The following SNX30 variants were observed in gnomAD, a reference collection of about 807,000 sequenced individuals.
The protein encoded by SNX30 is sorting nexin-30.
Under a neutral mutation model 46.4 loss-of-function variants are expected in SNX30, and 24 were observed. That is an observed-to-expected ratio of 0.52 (90% CI 0.37 to 0.73). The LOEUF (loss-of-function observed/expected upper bound fraction) is 0.73, where lower values mean the gene tolerates loss of function less well. Ranked by LOEUF, SNX30 falls within the 30% of genes least tolerant of loss-of-function variation. The pLI is 0.00. For missense variants in SNX30, 533 were observed against 555.7 expected (o/e 0.96, Z 0.41); for synonymous variants, 189 against 211.5 (o/e 0.89, Z 0.92).
intron 2 of SNX30, among the ~76,000 whole-genome samples, chr9:112,806,655 A>G (rs1390971193): frequency 6.6e-6 from 1 of 152,212 alleles, no homozygotes; most frequent in Non-Finnish European, 1.5e-5. Context: ...TGAAAATTTT[A>G]TATTTGTAAA....
chr9:112,869,030 A>C lies in SNX30; in HGVS notation c.*187A>C, dbSNP rs1841404486. ...TCAATTAGTATTTATTCCATGGTGG[A>C]GTCTGTGAGGCTAGAATATCTCTCA... On this transcript the variant is annotated 3_prime_UTR_variant, in exon 9 of 9. Transcript: ENST00000374232. The C allele has an allele frequency of 4.9e-6, 3 of 612,770 alleles. No individual in the cohort carries two copies. The highest frequency in any genetic ancestry group is 5.8e-6 in the Non-Finnish European group (2 of 342,912). The allele number at this position is 612,770 out of a possible 1,614,324, so 38.0% of individuals were successfully genotyped here.
intron 6 of SNX30, among the ~76,000 whole-genome samples, chr9:112,842,637 C>T (rs908801398): frequency 6.6e-6 from 1 of 152,178 alleles, no homozygotes; most frequent in African/African-American, 2.4e-5. Context: ...CCTTAGTGAC[C>T]AATCAGCTTG....
intron 1 of SNX30, among the ~76,000 whole-genome samples, chr9:112,761,537 G>C (rs940428096): frequency 2.0e-5 from 3 of 152,178 alleles, no homozygotes; most frequent in African/African-American, 7.2e-5. Flanking sequence ...AAAGAGGTAA[G>C]ATAGGAAGAA....
At chr9:112,851,346 T>G (rs981452691) in intron 7 of SNX30, among the ~76,000 whole-genome samples, 2 of 152,222 alleles carry the variant, frequency 1.3e-5, no homozygotes, top group Non-Finnish European at 2.9e-5. Context: ...TATAGGAATT[T>G]GATGTTGCTG....
chr9:112,826,369 G>A (rs4246892), intron 3 of SNX30, among the ~76,000 whole-genome samples: 142,641 of 152,258 alleles, frequency 0.94, 66,895 homozygotes, highest in East Asian at 1. Context: ...CAGTGAAGTC[G>A]AGATAAGTGA....
chr9:112,821,027 G>C (rs1486296624), intron 3 of SNX30, among the ~76,000 whole-genome samples: 2 of 151,718 alleles, frequency 1.3e-5, no homozygotes, highest in African/African-American at 4.8e-5. Context: ...TTCCCATTTT[G>C]GGGGGGGTGT....
At position 112,785,280 on chromosome 9, in the gene SNX30, A is replaced by T. The variant is rs1839904396; in HGVS notation, c.157-19496A>T. On this transcript the variant is annotated intron_variant, in intron 1 of 8. Transcript: ENST00000374232. ...ACCCAGGGTGGAGTATGGTAGTGTG[A>T]TCACAGCTCCCTGCAGCCTCGACCT... 2.6e-5 allele frequency among the ~76,000 whole-genome samples: 4 copies of T among 151,932 alleles called. No homozygotes were observed. In the South Asian group the frequency reaches 8.3e-4, roughly 32 times the overall value.
At chr9:112,826,567 A>T (rs181496042) in intron 3 of SNX30, among the ~76,000 whole-genome samples, 9 of 152,302 alleles carry the variant, frequency 5.9e-5, no homozygotes, top group African/African-American at 1.9e-4. Context: ...ACCCCAATGA[A>T]CAAATGGGTC....
At chr9:112,834,554 ACT>A (rs1294315379) in intron 4 of SNX30, among the ~76,000 whole-genome samples, 1 of 151,896 alleles carries the variant, frequency 6.6e-6, no homozygotes, top group Non-Finnish European at 1.5e-5. Context: ...CCTTCAGGAA[ACT>A]CCACATGTTC....
intron 6 of SNX30, among the ~76,000 whole-genome samples, chr9:112,842,950 CAAGTT>C (rs149147288): frequency 0.068 from 10,348 of 152,266 alleles, 448 homozygotes; most frequent in Non-Finnish European, 0.099. Flanking sequence ...AGCCCAGACT[CAAGTT>C]AAATACCTCG....
chr9:112,865,659 ATATGTATG>A lies in SNX30; in HGVS notation c.1254+1269_1254+1276del, dbSNP rs1311099028. ...TATATATATATATATATATATATAT[ATATGTATG>A]TATGTATGCACACACACACACACGT... On this transcript the variant is annotated intron_variant, in intron 8 of 8. Transcript: ENST00000374232. 5.1e-3 allele frequency among the ~76,000 whole-genome samples: 409 copies of A among 79,670 alleles called. 18 individuals carry two copies. The highest frequency in any genetic ancestry group is 0.02 in the African/African-American group (387 of 18,898). The allele number at this position is 79,670 out of a possible 152,430, so 52.3% of individuals were successfully genotyped here.
At chr9:112,795,765 T>TCTCACACACACACACACACACACA (rs34877094) in intron 1 of SNX30, among the ~76,000 whole-genome samples, 22 of 123,222 alleles carry the variant, frequency 1.8e-4, no homozygotes, top group Non-Finnish European at 3.6e-4. Flanking sequence ...CACAGTACAG[T>TCTCACACACACACACACACACACA]CACACACACA....
rs1291906717 is a variant in SNX30, at chr9:112,850,853, C to T, written c.1015-6C>T. On this transcript the variant is annotated splice_region_variant and splice_polypyrimidine_tract_variant and intron_variant, in intron 6 of 8. Coordinates refer to ENST00000374232, the MANE Select transcript of SNX30 (RefSeq NM_001012994.2). Reference sequence around the variant, plus strand: ...GTTACATGCTTCTCTCCTCTGCCTCCCACAGAGTGTATTGAAGAAGAGGGA... The same window carrying T: ...GTTACATGCTTCTCTCCTCTGCCTCTCACAGAGTGTATTGAAGAAGAGGGA... The T allele has an allele frequency of 1.9e-6, 3 of 1,611,494 alleles. No homozygotes were observed. Among genetic ancestry groups the T allele is most frequent in the South Asian group, 2.2e-5 (2 of 90,978 alleles).
In SNX30 at chr9:112,864,372, T is replaced by C. The variant is rs1394326408; in HGVS notation, c.1227T>C (p.Ala409=). Residue 409 remains alanine (A), a synonymous_variant, in exon 8 of 9, where the codon GCT becomes GCC. Coordinates refer to ENST00000374232, the MANE Select transcript of SNX30 (RefSeq NM_001012994.2). ...QDFRQLLMGM[A]DKNIQYYEKC... ...TCCGGCAGCTACTCATGGGGATGGCTGACAAGAACATCCAGTATTATGAGA... is the reference window on the plus strand; with the variant it reads ...TCCGGCAGCTACTCATGGGGATGGCCGACAAGAACATCCAGTATTATGAGA... The C allele has an allele frequency of 3.7e-6, 6 of 1,614,080 alleles. No individual in the cohort carries two copies. The African/African-American group carries it at 5.3e-5, about 14-fold the overall frequency.
rs137902362 is a variant in SNX30, at chr9:112,835,786, A to T, written c.619-428A>T. On this transcript the variant is annotated intron_variant, in intron 4 of 8. Transcript: ENST00000374232. ...CACTGTTTCCTGCTTTCCACCCTTTACTCCCCTTATATGGCTTTAGTTGGG... is the reference window on the plus strand; with the variant it reads ...CACTGTTTCCTGCTTTCCACCCTTTTCTCCCCTTATATGGCTTTAGTTGGG... 1.9e-3 allele frequency among the ~76,000 whole-genome samples: 294 copies of T among 151,446 alleles called. 3 individuals carry two copies. Among genetic ancestry groups the T allele is most frequent in the African/African-American group, 6.9e-3 (283 of 41,250 alleles).
At chr9:112,762,497 C>A (rs1839457598) in intron 1 of SNX30, among the ~76,000 whole-genome samples, 2 of 152,100 alleles carry the variant, frequency 1.3e-5, no homozygotes, top group South Asian at 4.2e-4. Context: ...GTTGCGGTAG[C>A]ATGTGAAAAA....
At chr9:112,857,567 C>G (rs1042672538) in intron 7 of SNX30, among the ~76,000 whole-genome samples, 1 of 152,198 alleles carries the variant, frequency 6.6e-6, no homozygotes, top group Non-Finnish European at 1.5e-5. Flanking sequence ...ACAGCAGCCA[C>G]GAGCTCCCCT....
intron 3 of SNX30, among the ~76,000 whole-genome samples, chr9:112,828,785 C>T (rs535964134): frequency 6.6e-6 from 1 of 152,280 alleles, no homozygotes; most frequent in African/African-American, 2.4e-5. Context: ...AAACATAGCA[C>T]CATTTTATAA....
At chr9:112,768,647 C>CTTCTTCTTCTTTTTTTTT (rs1554748345) in intron 1 of SNX30, among the ~76,000 whole-genome samples, 6 of 64,350 alleles carry the variant, frequency 9.3e-5, no homozygotes, top group Non-Finnish European at 1.3e-4. Context: ...ATTCTTTCTT[C>CTTCTTCTTCTTTTTTTTT]TTTTTTTTTT....
Sources: allele counts gnomAD v4.1 joint callset (sites outside exome capture counted in the v4.1 genomes callset), GRCh38; gene constraint gnomAD v4.1.1; transcripts MANE v1.5; gene names NCBI Gene and HGNC (gene_info 2026-07-23, HGNC 2026-07-21).